PIAS4: variants seen among roughly 807,000 people sequenced by gnomAD.
PIAS4 encodes E3 SUMO-protein ligase PIAS4.
PIAS4 carries 7 observed loss-of-function variants against 58.0 expected under a neutral mutation model. The ratio of observed to expected loss-of-function variants is 0.12; its 90% CI spans 0.07 to 0.23. The LOEUF is 0.23. PIAS4 is among the 10% of genes least tolerant of loss of function. The pLI, the probability that PIAS4 is intolerant of heterozygous loss-of-function variation, is 1.00. For missense variants in PIAS4, 550 were observed against 709.5 expected, an observed-to-expected ratio of 0.78 and a Z score of 2.55; for synonymous variants, 364 against 312.4, an observed-to-expected ratio of 1.17 and a Z score of -1.74.
rs531553736 is a variant in PIAS4, at chr19:4,012,250, C to T, written c.28-673C>T. 8.5e-5 allele frequency among the ~76,000 whole-genome samples: 13 copies of T among 152,054 alleles called. No homozygotes were observed. The South Asian group carries it at 2.5e-3, about 29-fold the overall frequency. ...CAGAGGGTAGTGTGGCAGCAAGAAC[C>T]GCCCCTGGCTTCAGAGCCAGGCCTG... On this transcript the variant is annotated intron_variant, in intron 1 of 10. Transcript: ENST00000262971.
In PIAS4 at chr19:4,024,138, C is replaced by T. The variant is rs758229751; in HGVS notation, c.539+18C>T. The T allele has an allele frequency of 8.2e-6, 13 of 1,590,024 alleles. No individual in the cohort carries two copies. In the South Asian group the frequency reaches 1.2e-4, roughly 15 times the overall value. ...AACTCCAGGTGTGCGGCACCTCCCCCAGCCCAGCACCCCACCGCCCGCCCA... is the reference window on the plus strand; with the variant it reads ...AACTCCAGGTGTGCGGCACCTCCCCTAGCCCAGCACCCCACCGCCCGCCCA... On this transcript the variant is annotated intron_variant, in intron 3 of 10. Coordinates refer to ENST00000262971, the MANE Select transcript of PIAS4 (RefSeq NM_015897.4).
At chr19:4,019,774 G>A (rs746975387) in intron 2 of PIAS4, among the ~76,000 whole-genome samples, 4 of 152,254 alleles carry the variant, frequency 2.6e-5, no homozygotes, top group East Asian at 3.9e-4. Context: ...AACGGGAACC[G>A]GCTGTGGCAG....
chr19:4,036,802 C>G (rs574001045), intron 9 of PIAS4, among the ~76,000 whole-genome samples: 20 of 149,228 alleles, frequency 1.3e-4, no homozygotes, highest in African/African-American at 4.9e-4. Flanking sequence ...ATACAGTCCA[C>G]ACCGTCACAT....
intron 2 of PIAS4, among the ~76,000 whole-genome samples, chr19:4,017,984 G>A (rs2040069046): frequency 6.6e-6 from 1 of 151,892 alleles, no homozygotes; most frequent in Admixed American, 6.6e-5. Flanking sequence ...CTCATTTTTT[G>A]TATTTTTAAT....
intron 2 of PIAS4, among the ~76,000 whole-genome samples, chr19:4,015,832 C>G (rs927350422): frequency 6.6e-6 from 1 of 152,234 alleles, no homozygotes; most frequent in African/African-American, 2.4e-5. Context: ...CGCCGGCCGG[C>G]TCCAGGATGG....
chr19:4,036,237 T>C (rs201707735), intron 9 of PIAS4, among the ~76,000 whole-genome samples: 1 of 38,942 alleles, frequency 2.6e-5, no homozygotes, highest in Non-Finnish European at 6.5e-5. Context: ...CACACACATC[T>C]ATACAGTCCA....
chr19:4,008,762 C>T (rs1271914332), intron 1 of PIAS4, among the ~76,000 whole-genome samples: 1 of 151,942 alleles, frequency 6.6e-6, no homozygotes. Context: ...GAGTCTACTT[C>T]TTAGGTCAGA....
Position 4,012,830 on chromosome 19 carries a change from CTT to C in PIAS4, c.28-91_28-90del, listed in dbSNP as rs796604668. The stretch of plus-strand genomic sequence containing the variant: ...CTGGCGCTTCCTGGCGAGTGGGTGT[CTT>C]TCACGGCCCCCACATCGGGGCCTGG... On this transcript the variant is annotated intron_variant, in intron 1 of 10. Coordinates refer to ENST00000262971, the MANE Select transcript of PIAS4 (RefSeq NM_015897.4). 18 of 1,393,510 alleles carry C rather than the reference CTT, an allele frequency of 1.3e-5. No homozygotes were observed. In the African/African-American group the frequency reaches 2.5e-4, roughly 19 times the overall value. 86.3% of individuals were successfully genotyped at this position (1,393,510 alleles called of 1,614,324 possible). A position where few individuals can be genotyped will look rare whatever the true frequency, so the allele number is the denominator to read the frequency against.
intron 3 of PIAS4, among the ~76,000 whole-genome samples, chr19:4,025,669 A>ACCTCGTCTTTCTTAG (rs2040156113): frequency 4.5e-5 from 1 of 22,312 alleles, no homozygotes; most frequent in Non-Finnish European, 1.5e-4. Context: ...CAAGGTGGCG[A>ACCTCGTCTTTCTTAG]CCTCGTCTTT....
intron 3 of PIAS4, among the ~76,000 whole-genome samples, chr19:4,027,882 G>T (rs896965314): frequency 4.6e-5 from 7 of 151,976 alleles, no homozygotes; most frequent in African/African-American, 1.7e-4. Flanking sequence ...ATGTTTCTTC[G>T]CAGGGAGAGG....
intron 2 of PIAS4, among the ~76,000 whole-genome samples, chr19:4,021,717 C>T (rs560156283): frequency 2.5e-4 from 38 of 150,188 alleles, no homozygotes; most frequent in East Asian, 7.7e-4. Context: ...TAGAATTCAC[C>T]GATATGGACC....
Position 4,022,381 on chromosome 19 carries a change from G to A in PIAS4, c.455-1655G>A, listed in dbSNP as rs190390858. 1.3e-4 allele frequency among the ~76,000 whole-genome samples: 19 copies of A among 151,108 alleles called. No individual in the cohort carries two copies. The East Asian group carries it at 2.8e-3, about 22-fold the overall frequency. The stretch of plus-strand genomic sequence containing the variant: ...GTGGTTTTTTTTGAGACAGAGTCTC[G>A]CTCTGTAGCCCAGGCTGGAGTGCAG... On this transcript the variant is annotated intron_variant, in intron 2 of 10. Transcript: ENST00000262971.
intron 8 of PIAS4, 114 bp from the exon 9 acceptor site, chr19:4,033,306 T>G: frequency 7.6e-7 from 1 of 1,315,488 alleles, no homozygotes; most frequent in South Asian, 1.3e-5. Context: ...CCCCTCCGTG[T>G]TCCTGAGGCA....
intron 2 of PIAS4, among the ~76,000 whole-genome samples, chr19:4,019,756 A>G (rs2040090154): frequency 6.6e-6 from 1 of 152,016 alleles, no homozygotes; most frequent in African/African-American, 2.4e-5. Context: ...CTGTGCCCTG[A>G]GCATATAAAC....
intron 2 of PIAS4, among the ~76,000 whole-genome samples, chr19:4,018,284 G>T (rs951336596): frequency 3.9e-5 from 6 of 152,224 alleles, no homozygotes; most frequent in Non-Finnish European, 7.3e-5. Flanking sequence ...CCCTTTGCAT[G>T]TGTGATTGTA....
At chr19:4,027,505 CTT>C (rs2144928258) in intron 3 of PIAS4, among the ~76,000 whole-genome samples, 1 of 151,324 alleles carries the variant, frequency 6.6e-6, no homozygotes, top group East Asian at 1.9e-4. Context: ...GGTAGATAGA[CTT>C]TTTCCTCTTC....
chr19:4,013,451 G>A lies in PIAS4; in HGVS notation c.454+102G>A. On this transcript the variant is annotated intron_variant, in intron 2 of 10. Coordinates refer to ENST00000262971, the MANE Select transcript of PIAS4 (RefSeq NM_015897.4). The surrounding 1 kb of genome is among the most constrained non-coding windows in gnomAD (Gnocchi z 5.1). ...GCCGACTTCGAGTGATGTTCTCTGT[G>A]GCGCAGCCAGGGCGGGGAGCCACAG... 9.2e-7 allele frequency: 1 copy of A among 1,083,058 alleles called. No individual in the cohort carries two copies. The highest frequency in any genetic ancestry group is 1.5e-5 in the South Asian group (1 of 67,028). 67.1% of individuals were successfully genotyped at this position (1,083,058 alleles called of 1,614,324 possible).
At chr19:4,016,901 G>C (rs1448182992) in intron 2 of PIAS4, among the ~76,000 whole-genome samples, 1 of 151,542 alleles carries the variant, frequency 6.6e-6, no homozygotes, top group Admixed American at 6.6e-5. Flanking sequence ...GGGGAAGGCT[G>C]GGGGCTACCC....
chr19:4,019,324 C>A (rs1906792965), intron 2 of PIAS4, among the ~76,000 whole-genome samples: 1 of 152,280 alleles, frequency 6.6e-6, no homozygotes, highest in Non-Finnish European at 1.5e-5. Context: ...TCCCAGGCCC[C>A]CAGCAGAGAA....
Sources: gnomAD v4.1 joint callset for allele counts (sites outside exome capture counted in the v4.1 genomes callset) on GRCh38, gnomAD v4.1.1 for gene constraint, Gnocchi (gnomAD v3.1) non-coding constraint, MANE v1.5 for transcripts, NCBI Gene and HGNC (gene_info 2026-07-23, HGNC 2026-07-21) for gene names.